Variants in KIAA0930 observed in about 807,000 individuals in gnomAD.
The protein encoded by KIAA0930 is uncharacterized protein KIAA0930.
Under a neutral mutation model 43.9 loss-of-function variants are expected in KIAA0930, and 24 were observed. The observed-to-expected ratio is 0.55, with a 90% CI of 0.40 to 0.77. The LOEUF is 0.77. Ranked by LOEUF, KIAA0930 falls within the 30% of genes least tolerant of loss-of-function variation. The pLI is 0.00. For synonymous variants in KIAA0930, 259 were observed against 216.4 expected (o/e 1.20, Z -1.73); for missense variants, 461 against 574.2 (o/e 0.80, Z 2.02).
In KIAA0930 at chr22:45,203,833, C is replaced by A. The variant is rs1247863853; in HGVS notation, c.657+12G>T. On this transcript the variant is annotated intron_variant, in intron 6 of 9. Coordinates refer to ENST00000336156, the MANE Select transcript of KIAA0930 (RefSeq NM_001009880.2). ...GCCCAGAAGAACACCCGTGAGGCCG[C>A]CCCGCACTCACCCGGTTGTCATACA... The A allele has an allele frequency of 1.9e-6, 3 of 1,613,178 alleles. No individual in the cohort carries two copies. Among genetic ancestry groups the A allele is most frequent in the African/African-American group, 2.7e-5 (2 of 74,898 alleles).
At chr22:45,234,870 C>G (rs2083877193) in intron 1 of KIAA0930, among the ~76,000 whole-genome samples, 1 of 152,284 alleles carries the variant, frequency 6.6e-6, no homozygotes, top group Admixed American at 6.5e-5. Context: ...TAGAGAAGAT[C>G]AAGTACTCTT....
chr22:45,215,494 A>G lies in KIAA0930; in HGVS notation c.65-3387T>C, dbSNP rs552528065. On this transcript the variant is annotated intron_variant, in intron 1 of 9. Transcript: ENST00000336156. The stretch of plus-strand genomic sequence containing the variant: ...TTTCGTGTGTTACTCATGAGAAAAA[A>G]TAATATAACAGCAATAACCACAATG... Among the ~76,000 whole-genome samples the G allele has an allele frequency of 2.6e-5, 4 of 152,348 alleles. No homozygotes were observed. In the South Asian group the frequency reaches 6.2e-4, roughly 24 times the overall value.
At chr22:45,231,896 CAGG>C (rs1273012754) in intron 1 of KIAA0930, among the ~76,000 whole-genome samples, 2 of 152,160 alleles carry the variant, frequency 1.3e-5, no homozygotes, top group African/African-American at 4.8e-5. Flanking sequence ...GAGGCTGAGG[CAGG>C]AGAATGGCGT....
intron 2 of KIAA0930, among the ~76,000 whole-genome samples, chr22:45,210,830 A>AGTGTGGCT (rs1472561692): frequency 1.8e-4 from 10 of 56,628 alleles, no homozygotes; most frequent in East Asian, 7.5e-4. Context: ...CACACCCGCC[A>AGTGTGGCT]CTGAAACTGC....
rs372455250 is a variant in KIAA0930 at position 45,200,349 on chromosome 22, A to T, written c.853-314T>A. On this transcript the variant is annotated intron_variant, in intron 7 of 9. Coordinates refer to ENST00000336156, the MANE Select transcript of KIAA0930 (RefSeq NM_001009880.2). ...GTGGGTAGGGGGTGTTCAAGCACAA[A>T]GTAACAACAGCTGCTGACGCTGAGT... 3 of 314,256 alleles carry T rather than the reference A, an allele frequency of 9.5e-6. No individual in the cohort carries two copies. In the South Asian group the frequency reaches 2.5e-4, roughly 26 times the overall value. The allele number at this position is 314,256 out of a possible 1,614,324, so 19.5% of individuals were successfully genotyped here. A position where few individuals can be genotyped will look rare whatever the true frequency, so the allele number is the denominator to read the frequency against.
intron 8 of KIAA0930, 118 bp downstream of exon 8, chr22:45,199,755 A>T: frequency 1.8e-6 from 2 of 1,091,526 alleles, no homozygotes; most frequent in East Asian, 2.8e-5. Flanking sequence ...CATGGCACCC[A>T]CTCTCTAAGT....
chr22:45,237,479 C>T lies in KIAA0930; in HGVS notation c.64+3161G>A, dbSNP rs183047141. 1.8e-4 allele frequency among the ~76,000 whole-genome samples: 27 copies of T among 152,288 alleles called. 1 individual carries two copies. The highest frequency in any genetic ancestry group is 7.8e-4 in the Admixed American group (12 of 15,306). On this transcript the variant is annotated intron_variant, in intron 1 of 9. Coordinates refer to ENST00000336156, the MANE Select transcript of KIAA0930 (RefSeq NM_001009880.2). ...GGTGCCTTTCATCACGAGAGCTGAG[C>T]GATGACCCCTGAGTGAGGAGGGCCA...
intron 1 of KIAA0930, among the ~76,000 whole-genome samples, chr22:45,228,777 C>T (rs1390351840): frequency 1.2e-5 from 1 of 84,574 alleles, no homozygotes; most frequent in Non-Finnish European, 2.3e-5. Context: ...CTCCCCATCC[C>T]CCCCAACCAC....
At chr22:45,205,566 C>T in intron 4 of KIAA0930, 64 bp downstream of exon 4, 1 of 1,500,350 alleles carries the variant, frequency 6.7e-7, no homozygotes, top group Non-Finnish European at 9.3e-7. Flanking sequence ...GGACTTGTCT[C>T]TCTCTGCCAC....
At chr22:45,240,610 G>C (rs767443083) in intron 1 of KIAA0930, 30 bp downstream of exon 1, 1 of 1,497,628 alleles carries the variant, frequency 6.7e-7, no homozygotes, top group South Asian at 1.2e-5. Flanking sequence ...CACCTCTCCC[G>C]GCCCGGCCTC....
intron 1 of KIAA0930, among the ~76,000 whole-genome samples, chr22:45,215,824 A>T (rs1469496909): frequency 1.3e-5 from 2 of 152,204 alleles, no homozygotes; most frequent in Admixed American, 1.3e-4. Flanking sequence ...CAGTCATAAG[A>T]TTATAATACT....
In KIAA0930 at chr22:45,240,724, CG is replaced by C; in HGVS notation, c.-22del. 2 of 1,202,984 alleles carry C rather than the reference CG, an allele frequency of 1.7e-6. No individual in the cohort carries two copies. The highest frequency in any genetic ancestry group is 2.1e-6 in the Non-Finnish European group (2 of 967,016). The allele number at this position is 1,202,984 out of a possible 1,614,324, so 74.5% of individuals were successfully genotyped here. On this transcript the variant is annotated 5_prime_UTR_variant, in exon 1 of 10. Coordinates refer to ENST00000336156, the MANE Select transcript of KIAA0930 (RefSeq NM_001009880.2). ...AGCATGTGCTGCAGCGAGCGCTCCT[CG>C]GCCTCGGCGCCGCCCGCAGGCTCGG...
intron 4 of KIAA0930, 61 bp from the exon 5 acceptor site, chr22:45,205,379 A>G: frequency 1.4e-6 from 2 of 1,451,350 alleles, no homozygotes; most frequent in Non-Finnish European, 1.9e-6. Context: ...GCCCAGAGCC[A>G]GTCCAAGCCA....
At position 45,192,326 on chromosome 22, in the gene KIAA0930, A is replaced by T. The variant is rs2083495966; in HGVS notation, c.*4850T>A. The stretch of plus-strand genomic sequence containing the variant: ...AATCATAAAGCAAAGCTAACAGCCA[A>T]CCAACAAATACCGCCTAGCAATGAT... On this transcript the variant is annotated 3_prime_UTR_variant, in exon 10 of 10. Coordinates refer to ENST00000336156, the MANE Select transcript of KIAA0930 (RefSeq NM_001009880.2). The T allele has an allele frequency of 6.6e-6, 1 of 152,226 alleles. No homozygotes were observed. The highest frequency in any genetic ancestry group is 1.5e-5 in the Non-Finnish European group (1 of 68,038). The allele number at this position is 152,226 out of a possible 1,614,324, so 9.4% of individuals were successfully genotyped here.
intron 1 of KIAA0930, among the ~76,000 whole-genome samples, chr22:45,224,737 G>A (rs1367294289): frequency 6.6e-6 from 1 of 152,176 alleles, no homozygotes; most frequent in East Asian, 1.9e-4. Context: ...TAGGAATCAA[G>A]CAGGCAAAGG....
intron 1 of KIAA0930, among the ~76,000 whole-genome samples, chr22:45,221,066 C>A (rs561521789): frequency 6.6e-6 from 1 of 152,318 alleles, no homozygotes; most frequent in East Asian, 1.9e-4. Context: ...TATTTCCTGA[C>A]CTGCCCCCAG....
chr22:45,232,778 G>C (rs575297814), intron 1 of KIAA0930, among the ~76,000 whole-genome samples: 43 of 152,252 alleles, frequency 2.8e-4, no homozygotes, highest in African/African-American at 1.0e-3. Flanking sequence ...GCTGGGTGGG[G>C]ACCGGCTCCA....
chr22:45,240,657 C>T lies in KIAA0930; in HGVS notation c.47G>A (p.Arg16His). The change falls in exon 1 of 10, where the codon CGC becomes CAC. Residue 16 changes from arginine to histidine, a missense_variant. Physicochemically the swap from Arg to His is conservative, Grantham distance 29. Transcript: ENST00000336156. ...CCACTCACCGAGGCCGCAGACCTCG[C>T]GGCGCAGGCTAAGACGGCCGCGCTC... is the stretch of plus-strand genomic sequence containing the variant. ...AEERGRLSLR[R>H]EVCGLGCFKD... 6.6e-7 allele frequency: 1 copy of T among 1,526,430 alleles called. No homozygotes were observed. Among genetic ancestry groups the T allele is most frequent in the Non-Finnish European group, 8.7e-7 (1 of 1,143,282 alleles). 94.6% of individuals were successfully genotyped at this position (1,526,430 alleles called of 1,614,324 possible).
intron 1 of KIAA0930, among the ~76,000 whole-genome samples, chr22:45,232,350 A>T (rs965129448): frequency 6.6e-6 from 1 of 152,236 alleles, no homozygotes; most frequent in African/African-American, 2.4e-5. Flanking sequence ...TTCAAGATTC[A>T]AAGCACATCC....
Sources: allele counts gnomAD v4.1 joint callset (sites outside exome capture counted in the v4.1 genomes callset), GRCh38; gene constraint gnomAD v4.1.1; transcripts MANE v1.5; gene names NCBI Gene and HGNC (gene_info 2026-07-23, HGNC 2026-07-21).